The following DOCK3 variants were observed in gnomAD, a reference collection of about 807,000 sequenced individuals.
DOCK3 encodes the protein dedicator of cytokinesis 3, also known as dedicator of cytokinesis protein 3.
A neutral mutation model predicts 265.6 loss-of-function variants in DOCK3; 60 were observed. That is an observed-to-expected ratio of 0.23 (90% CI 0.18 to 0.28). The LOEUF (loss-of-function observed/expected upper bound fraction) is 0.28. Among genes scored for constraint, DOCK3 ranks in the 10% least tolerant of loss-of-function variants. The pLI, the probability that DOCK3 is intolerant of heterozygous loss-of-function variation, is 1.00. For missense variants in DOCK3, 1,981 were observed against 2,594.3 expected (o/e 0.76, Z 5.14); for synonymous variants, 881 against 938.0 (o/e 0.94, Z 1.11).
At chr3:51,251,317 C>T (rs1284361463) in intron 22 of DOCK3, among the ~76,000 whole-genome samples, 3 of 151,960 alleles carry the variant, frequency 2.0e-5, no homozygotes, top group African/African-American at 4.8e-5. Context: ...TGAATAGTGC[C>T]GCAGTAAACA....
chr3:51,014,604 T>C (rs2079081309), intron 5 of DOCK3, among the ~76,000 whole-genome samples: 1 of 152,146 alleles, frequency 6.6e-6, no homozygotes, highest in African/African-American at 2.4e-5. Context: ...AGTTTTGTTC[T>C]TTTTTGCTCA....
chr3:50,855,827 C>T (rs187906732), intron 3 of DOCK3, among the ~76,000 whole-genome samples: 48 of 152,176 alleles, frequency 3.2e-4, no homozygotes, highest in Admixed American at 1.0e-3. Flanking sequence ...TCCTGATGCT[C>T]ACCCTCCCTT....
chr3:51,252,812 G>A (rs1041779096), intron 22 of DOCK3, among the ~76,000 whole-genome samples: 1 of 152,132 alleles, frequency 6.6e-6, no homozygotes, highest in Admixed American at 6.5e-5. Flanking sequence ...CTGCAAACAG[G>A]GACAATTTGA....
intron 9 of DOCK3, among the ~76,000 whole-genome samples, chr3:51,135,246 CT>C (rs1403409775): frequency 1.3e-5 from 2 of 152,172 alleles, no homozygotes; most frequent in Non-Finnish European, 2.9e-5. Context: ...ATCTGGTCAG[CT>C]GTGTCTCCTA....
chr3:51,222,699 G>A (rs1413489569), intron 14 of DOCK3, among the ~76,000 whole-genome samples: 2 of 152,184 alleles, frequency 1.3e-5, no homozygotes, highest in Non-Finnish European at 2.9e-5. Flanking sequence ...AACTGCTTCA[G>A]TCTGTAACTC....
intron 37 of DOCK3, among the ~76,000 whole-genome samples, chr3:51,340,976 T>C (rs1337293337): frequency 6.6e-6 from 1 of 152,228 alleles, no homozygotes; most frequent in African/African-American, 2.4e-5. Context: ...AACCATTCTT[T>C]ATTAATCTGG....
At chr3:51,082,828 G>C (rs1281181955) in intron 7 of DOCK3, among the ~76,000 whole-genome samples, 1 of 152,078 alleles carries the variant, frequency 6.6e-6, no homozygotes, top group Non-Finnish European at 1.5e-5. Context: ...CTATAGGATA[G>C]GTCTGTGGGT....
chr3:51,375,752 C>T lies in DOCK3; in HGVS notation c.5417C>T (p.Pro1806Leu), dbSNP rs201961624. ...PAAILENGQP[P>L]NFQRALFQQV... ...ATGTTTATCTCCTTCCTTCAGCCGC[C>T]GAATTTCCAGCGAGCCCTGTTCCAG... The change falls in exon 51 of 53, where the codon CCG becomes CTG. Residue 1806 changes from proline (P) to leucine (L), a missense_variant. By Grantham distance (98) the Pro-to-Leu change is moderately conservative. This residue lies in a region of DOCK3 where 1,357 missense variants were observed against 1,866.8 expected (regional missense o/e 0.73). Transcript: ENST00000266037. The T allele has an allele frequency of 3.2e-5, 51 of 1,613,838 alleles. No individual in the cohort carries two copies. Among genetic ancestry groups the T allele is most frequent in the Non-Finnish European group, 4.1e-5 (48 of 1,179,864 alleles).
intron 2 of DOCK3, among the ~76,000 whole-genome samples, chr3:50,803,679 G>A (rs1439992497): frequency 6.6e-6 from 1 of 151,520 alleles, no homozygotes; most frequent in Non-Finnish European, 1.5e-5. Flanking sequence ...CCTCCCAGAT[G>A]GGGCGGCTAC....
chr3:50,797,978 C>CA (rs1235294989), intron 2 of DOCK3, among the ~76,000 whole-genome samples: 1 of 151,968 alleles, frequency 6.6e-6, no homozygotes, highest in Non-Finnish European at 1.5e-5. Flanking sequence ...GCAAAGAATA[C>CA]AAAAAACTGT....
intron 49 of DOCK3, among the ~76,000 whole-genome samples, chr3:51,365,424 A>G (rs1358426249): frequency 6.6e-6 from 1 of 152,226 alleles, no homozygotes; most frequent in African/African-American, 2.4e-5. Context: ...CAATCATGTC[A>G]TCTGCAAACA....
intron 1 of DOCK3, among the ~76,000 whole-genome samples, chr3:50,685,350 A>G (rs542740460): frequency 1.3e-5 from 2 of 152,364 alleles, no homozygotes; most frequent in Admixed American, 1.3e-4. Flanking sequence ...TTCAAAATTG[A>G]TACATGCTTG....
chr3:51,061,950 C>G (rs2081426380), intron 5 of DOCK3, among the ~76,000 whole-genome samples: 1 of 151,914 alleles, frequency 6.6e-6, no homozygotes, highest in African/African-American at 2.4e-5. Context: ...TGATACTTTA[C>G]TCTGTTCATA....
intron 4 of DOCK3, among the ~76,000 whole-genome samples, chr3:50,900,224 T>C (rs1468233679): frequency 1.3e-5 from 2 of 152,236 alleles, no homozygotes; most frequent in East Asian, 1.9e-4. Context: ...TTTCATTAAG[T>C]TGATCTTCAA....
At chr3:50,872,872 C>A (rs980500148) in intron 3 of DOCK3, among the ~76,000 whole-genome samples, 1 of 152,190 alleles carries the variant, frequency 6.6e-6, no homozygotes, top group Non-Finnish European at 1.5e-5. Context: ...ATTTTAAGGC[C>A]AAGAGCTCTT....
At chr3:50,698,427 G>T (rs1174946813) in intron 1 of DOCK3, among the ~76,000 whole-genome samples, 3 of 147,378 alleles carry the variant, frequency 2.0e-5, no homozygotes, top group African/African-American at 7.5e-5. Context: ...ATGGATAGTT[G>T]GATTGTTTCT....
At chr3:51,114,204 A>G (rs1395110023) in intron 9 of DOCK3, among the ~76,000 whole-genome samples, 1 of 152,244 alleles carries the variant, frequency 6.6e-6, no homozygotes, top group Non-Finnish European at 1.5e-5. Flanking sequence ...GATTGTTGAC[A>G]TCAGAACAGT....
At position 51,381,530 on chromosome 3, in the gene DOCK3, G is replaced by A; in HGVS notation, c.6064G>A (p.Ala2022Thr). 6.4e-7 allele frequency: 1 copy of A among 1,562,628 alleles called. No individual in the cohort carries two copies. The highest frequency in any genetic ancestry group is 8.6e-7 in the Non-Finnish European group (1 of 1,156,742). ...CGCTAAGGAGGAGCAGGCCCGCATG[G>A]CCTGGGAGCACGGCCGAGGGGAGCA... ...GSAKEEQARM[A>T]WEHGRGEQ is the part of the protein sequence containing the mutation. Residue 2022 changes from alanine to threonine, a missense_variant, in exon 53 of 53, where the codon GCC becomes ACC. Coordinates refer to ENST00000266037, the MANE Select transcript of DOCK3 (RefSeq NM_004947.5). The surrounding 1 kb of genome is among the most constrained non-coding windows in gnomAD (Gnocchi z 5.6).
chr3:50,812,434 G>A (rs2043815715), intron 2 of DOCK3, among the ~76,000 whole-genome samples: 1 of 152,114 alleles, frequency 6.6e-6, no homozygotes. Context: ...TGTGTACTCT[G>A]GAATATTTGT....
Sources: gnomAD v4.1 joint callset for allele counts (sites outside exome capture counted in the v4.1 genomes callset) on GRCh38, gnomAD v4.1.1 for gene constraint, gnomAD v4.1.1 regional missense constraint, Gnocchi (gnomAD v3.1) non-coding constraint, MANE v1.5 for transcripts, NCBI Gene and HGNC (gene_info 2026-07-23, HGNC 2026-07-21) for gene names.